Variants in SGCB observed in about 807,000 individuals in gnomAD.
SGCB encodes the protein beta-sarcoglycan.
SGCB carries 25 observed loss-of-function variants against 27.3 expected under a neutral mutation model. That is an observed-to-expected ratio of 0.92 (90% confidence interval 0.67 to 1.28). The LOEUF (loss-of-function observed/expected upper bound fraction) is 1.28. Among genes scored for constraint, SGCB ranks in the 50% most tolerant of loss-of-function variants. The probability of loss-of-function intolerance (pLI) is 0.00; values close to 1 mark genes in which losing one functional copy is unlikely to be tolerated. For missense variants in SGCB, 436 were observed against 402.1 expected (o/e 1.08, Z -0.72); for synonymous variants, 147 against 133.5 (o/e 1.10, Z -0.70).
At chr4:52,036,244 C>A (rs1410255353) in intron 1 of SGCB, among the ~76,000 whole-genome samples, 1 of 152,174 alleles carries the variant, frequency 6.6e-6, no homozygotes, top group Non-Finnish European at 1.5e-5. Context: ...GGCAAAAGAG[C>A]TAAGAAGGTC....
At chr4:52,028,324 C>A (rs962268175) in intron 4 of SGCB, among the ~76,000 whole-genome samples, 8 of 152,160 alleles carry the variant, frequency 5.3e-5, no homozygotes, top group African/African-American at 1.7e-4. Flanking sequence ...GGAATATATT[C>A]TTTTATACTA....
Position 52,028,207 on chromosome 4 carries a change from GTTTC to G in SGCB, c.622-112_622-109del, listed in dbSNP as rs1737153255. On this transcript the variant is annotated intron_variant, in intron 4 of 5. Transcript: ENST00000381431. ...CAGTCATGAGAGATGAAAGTCAAATGTTTCTATTAATGTTTTAGAGATGTGGAAA... is the reference window on the plus strand; with the variant it reads ...CAGTCATGAGAGATGAAAGTCAAATGTATTAATGTTTTAGAGATGTGGAAA... The G allele has an allele frequency of 7.1e-6, 6 of 844,832 alleles. No individual in the cohort carries two copies. In the East Asian group the frequency reaches 1.6e-4, roughly 22 times the overall value. The allele number at this position is 844,832 out of a possible 1,614,324, so 52.3% of individuals were successfully genotyped here.
rs373377588 is a variant in SGCB at position 52,027,938 on chromosome 4, A to C, written c.753+30T>G. ...GATTTATGTACCCAAGAACCTAATA[A>C]TTCTCTTAAGCTCTTAAAAGAATAC... On this transcript the variant is annotated intron_variant, in intron 5 of 5. Transcript: ENST00000381431. The C allele has an allele frequency of 7.6e-5, 121 of 1,597,508 alleles. No homozygotes were observed. The African/African-American group carries it at 1.5e-3, about 20-fold the overall frequency.
intron 3 of SGCB, 100 bp downstream of exon 3, chr4:52,029,578 G>A (rs1578125961): frequency 1.4e-6 from 1 of 733,304 alleles, no homozygotes; most frequent in Non-Finnish European, 2.4e-6. Flanking sequence ...TTTTCTAAGG[G>A]AAAATATCTC....
chr4:52,034,141 C>G (rs1033007155), intron 1 of SGCB, among the ~76,000 whole-genome samples: 3 of 150,946 alleles, frequency 2.0e-5, no homozygotes, highest in Admixed American at 2.0e-4. Flanking sequence ...ACCAGCCTGG[C>G]CAAGATGGTG....
At chr4:52,027,321 T>C (rs762858018) in intron 5 of SGCB, among the ~76,000 whole-genome samples, 6 of 152,082 alleles carry the variant, frequency 3.9e-5, no homozygotes, top group Non-Finnish European at 8.8e-5. Flanking sequence ...CCTGTTAAAG[T>C]TCAGATTTAA....
At chr4:52,033,127 T>C (rs1016787749) in intron 2 of SGCB, among the ~76,000 whole-genome samples, 2 of 152,196 alleles carry the variant, frequency 1.3e-5, no homozygotes, top group African/African-American at 4.8e-5. Context: ...TTCTCTTCTA[T>C]TGAGTTGATC....
chr4:52,033,391 C>T (rs1297039310), intron 2 of SGCB, 40 bp downstream of exon 2: 20 of 1,329,884 alleles, frequency 1.5e-5, no homozygotes, highest in Non-Finnish European at 2.1e-5. Context: ...ATAAAAAATT[C>T]CCCATGGCAA....
At position 52,023,597 on chromosome 4, in the gene SGCB, C is replaced by A. The variant is rs956333168; in HGVS notation, c.*360G>T. ...TTTTAAATATCTTAAGTGGGTCTAT[C>A]CCCATTAGAGTTACCAAAGTTTACT... On this transcript the variant is annotated 3_prime_UTR_variant, in exon 6 of 6. Coordinates refer to ENST00000381431, the MANE Select transcript of SGCB (RefSeq NM_000232.5). 1 of 264,668 alleles carries A rather than the reference C, an allele frequency of 3.8e-6. No homozygotes were observed. The highest frequency in any genetic ancestry group is 5.0e-5 in the Admixed American group (1 of 20,010). 16.4% of individuals were successfully genotyped at this position (264,668 alleles called of 1,614,324 possible). A position where few individuals can be genotyped will look rare whatever the true frequency, so the allele number is the denominator to read the frequency against.
intron 2 of SGCB, among the ~76,000 whole-genome samples, chr4:52,032,861 T>G (rs1737287980): frequency 6.6e-6 from 1 of 152,168 alleles, no homozygotes; most frequent in South Asian, 2.1e-4. Context: ...ATTTCTTCAT[T>G]AAAAAAGCAA....
intron 1 of SGCB, among the ~76,000 whole-genome samples, chr4:52,037,491 T>C (rs1044540188): frequency 1.3e-5 from 2 of 152,228 alleles, no homozygotes; most frequent in African/African-American, 4.8e-5. Context: ...GGGGGAAAGT[T>C]ACTGAAAATT....
intron 5 of SGCB, among the ~76,000 whole-genome samples, chr4:52,025,214 TAA>T (rs1560566270): frequency 6.6e-6 from 1 of 151,578 alleles, no homozygotes; most frequent in African/African-American, 2.4e-5. Context: ...GGGGAGACAA[TAA>T]AAAAAATGAA....
At chr4:52,037,282 T>G (rs1243087476) in intron 1 of SGCB, among the ~76,000 whole-genome samples, 1 of 152,216 alleles carries the variant, frequency 6.6e-6, no homozygotes, top group Non-Finnish European at 1.5e-5. Flanking sequence ...TTTAAGCTCC[T>G]TGAAGAGAGA....
intron 2 of SGCB, among the ~76,000 whole-genome samples, chr4:52,030,895 AT>A (rs1395672265): frequency 6.6e-6 from 1 of 152,164 alleles, no homozygotes; most frequent in Non-Finnish European, 1.5e-5. Context: ...AATGCTTCAT[AT>A]TTGATTGCTG....
In SGCB at chr4:52,027,961, TACTC is replaced by T; in HGVS notation, c.753+3_753+6del. On this transcript the variant is annotated splice_donor_5th_base_variant and intron_variant, in intron 5 of 5. Coordinates refer to ENST00000381431, the MANE Select transcript of SGCB (RefSeq NM_000232.5). ...TAATTCTCTTAAGCTCTTAAAAGAA[TACTC>T]ACCGCCTTTAACTCCATATTACCAC... 6.2e-7 allele frequency: 1 copy of T among 1,613,288 alleles called. No individual in the cohort carries two copies. The highest frequency in any genetic ancestry group is 8.5e-7 in the Non-Finnish European group (1 of 1,179,288).
chr4:52,028,782 T>A lies in SGCB; in HGVS notation c.569A>T (p.His190Leu). 6.2e-7 allele frequency: 1 copy of A among 1,613,926 alleles called. No individual in the cohort carries two copies. The highest frequency in any genetic ancestry group is 8.5e-7 in the Non-Finnish European group (1 of 1,179,842). ...CAAACTTTTCACTCCACTTGGCAAA[T>A]GAAACTCATGAGTTTCATAGTCTGT... ...FSTDYETHEF[H>L]LPSGVKSLNV... The change falls in exon 4 of 6, where the codon CAT becomes CTT. Residue 190 changes from histidine to leucine, a missense_variant. By Grantham distance (99) the His-to-Leu change is moderately conservative. Coordinates refer to ENST00000381431, the MANE Select transcript of SGCB (RefSeq NM_000232.5).
chr4:52,024,661 T>C (rs1307618422), intron 5 of SGCB, among the ~76,000 whole-genome samples: 1 of 151,800 alleles, frequency 6.6e-6, no homozygotes, highest in Non-Finnish European at 1.5e-5. Flanking sequence ...ACCTCGTCTC[T>C]ACTAAAAATA....
At chr4:52,024,709 T>A (rs1195373909) in intron 5 of SGCB, among the ~76,000 whole-genome samples, 1 of 151,312 alleles carries the variant, frequency 6.6e-6, no homozygotes, top group Non-Finnish European at 1.5e-5. Flanking sequence ...GCACCTGTAG[T>A]CCCAGCTACT....
At chr4:52,033,880 C>T (rs1312945700) in intron 1 of SGCB, among the ~76,000 whole-genome samples, 2 of 152,164 alleles carry the variant, frequency 1.3e-5, no homozygotes, top group Non-Finnish European at 2.9e-5. Flanking sequence ...TTTCAACAGT[C>T]CCACTGTCAA....
Sources: gnomAD v4.1 joint callset for allele counts (sites outside exome capture counted in the v4.1 genomes callset) on GRCh38, gnomAD v4.1.1 for gene constraint, MANE v1.5 for transcripts, NCBI Gene and HGNC (gene_info 2026-07-23, HGNC 2026-07-21) for gene names.